The following CCSER1 variants were observed in gnomAD, a reference collection of about 807,000 sequenced individuals.
CCSER1 encodes the protein serine-rich coiled-coil domain-containing protein 1.
A neutral mutation model predicts 82.0 loss-of-function variants in CCSER1; 41 were observed. The observed-to-expected ratio is 0.50, with a 90% CI of 0.39 to 0.65. CCSER1 has a LOEUF of 0.65. Among genes scored for constraint, CCSER1 ranks in the 30% least tolerant of loss-of-function variants. CCSER1 has a pLI of 0.00. For missense variants in CCSER1, 1,119 were observed against 1,064.2 expected, an observed-to-expected ratio of 1.05 and a Z score of -0.72; for synonymous variants, 414 against 383.9, an observed-to-expected ratio of 1.08 and a Z score of -0.92.
chr4:91,012,646 A>G (rs1739089981), intron 9 of CCSER1, among the ~76,000 whole-genome samples: 1 of 125,924 alleles, frequency 7.9e-6, no homozygotes, highest in Non-Finnish European at 1.9e-5. Flanking sequence ...CCTCAAGGGT[A>G]GAAGGGTACA....
intron 9 of CCSER1, among the ~76,000 whole-genome samples, chr4:91,009,834 T>C (rs1413576593): frequency 2.0e-5 from 3 of 152,188 alleles, no homozygotes; most frequent in Non-Finnish European, 4.4e-5. Context: ...ATTTACATCT[T>C]TTTATATTAT....
At chr4:91,177,648 G>A (rs568447295) in intron 10 of CCSER1, among the ~76,000 whole-genome samples, 2 of 152,132 alleles carry the variant, frequency 1.3e-5, no homozygotes, top group African/African-American at 4.8e-5. Flanking sequence ...TTGTATTTCT[G>A]TCAGATCAGT....
intron 5 of CCSER1, among the ~76,000 whole-genome samples, chr4:90,469,614 T>A (rs2153589158): frequency 6.6e-6 from 1 of 151,868 alleles, no homozygotes; most frequent in African/African-American, 2.4e-5. Flanking sequence ...TCTTTGTTAG[T>A]ATTATGTGAA....
intron 10 of CCSER1, among the ~76,000 whole-genome samples, chr4:91,538,184 G>A (rs994575479): frequency 6.6e-5 from 10 of 151,818 alleles, no homozygotes; most frequent in African/African-American, 9.7e-5. Context: ...AATAACATTC[G>A]TATGTATGAG....
intron 9 of CCSER1, among the ~76,000 whole-genome samples, chr4:91,058,199 T>TG (rs1336117281): frequency 1.6e-4 from 25 of 151,974 alleles, no homozygotes; most frequent in African/African-American, 6.0e-4. Flanking sequence ...CCAGTGTGTG[T>TG]TTTTTGCCTC....
chr4:90,880,242 C>G (rs1721095784), intron 8 of CCSER1, among the ~76,000 whole-genome samples: 1 of 152,106 alleles, frequency 6.6e-6, no homozygotes, highest in African/African-American at 2.4e-5. Flanking sequence ...ATGTTTCTTC[C>G]CCAACCTGGA....
intron 9 of CCSER1, among the ~76,000 whole-genome samples, chr4:90,950,732 C>A (rs1332456067): frequency 1.3e-5 from 2 of 152,032 alleles, no homozygotes; most frequent in African/African-American, 2.4e-5. Flanking sequence ...ATAGAGATAA[C>A]CACTTTTGCT....
intron 6 of CCSER1, among the ~76,000 whole-genome samples, chr4:90,655,831 A>C (rs1306376513): frequency 6.6e-6 from 1 of 151,968 alleles, no homozygotes; most frequent in Non-Finnish European, 1.5e-5. Context: ...TTAATCTTAT[A>C]TTATCTGACA....
Position 91,022,172 on chromosome 4 carries a change from C to T in CCSER1, c.2173-63778C>T, listed in dbSNP as rs370383558. 2.6e-4 allele frequency among the ~76,000 whole-genome samples: 34 copies of T among 129,412 alleles called. No homozygotes were observed. The South Asian group carries it at 6.4e-3, about 24-fold the overall frequency. 84.9% of individuals were successfully genotyped at this position (129,412 alleles called of 152,430 possible). A position where few individuals can be genotyped will look rare whatever the true frequency, so the allele number is the denominator to read the frequency against. On this transcript the variant is annotated intron_variant, in intron 9 of 10. Coordinates refer to ENST00000509176, the MANE Select transcript of CCSER1 (RefSeq NM_001145065.2). ...CCCCCTCCCCCCACCCCACACCAGG[C>T]CCTGGTGTGTGATGTTCCCCTTCCT...
chr4:90,775,105 G>T (rs1258392972), intron 7 of CCSER1, among the ~76,000 whole-genome samples: 1 of 152,074 alleles, frequency 6.6e-6, no homozygotes, highest in African/African-American at 2.4e-5. Context: ...ATGATTCATT[G>T]TAACATAATG....
At position 90,540,047 on chromosome 4, in the gene CCSER1, G is replaced by A. The variant is rs1264501455; in HGVS notation, c.1724+71693G>A. 5.3e-5 allele frequency among the ~76,000 whole-genome samples: 8 copies of A among 152,026 alleles called. 1 individual carries two copies. The South Asian group carries it at 1.5e-3, about 28-fold the overall frequency. ...TGACCATAAGTTATCTATAAGGAAC[G>A]GAGCAAATTAGTTTGTGCAGTTAGA... On this transcript the variant is annotated intron_variant, in intron 5 of 10. Transcript: ENST00000509176.
intron 5 of CCSER1, among the ~76,000 whole-genome samples, chr4:90,497,422 G>T (rs970901883): frequency 6.6e-6 from 1 of 152,140 alleles, no homozygotes; most frequent in Non-Finnish European, 1.5e-5. Flanking sequence ...TATATATGGG[G>T]TGTATGGAGA....
chr4:91,403,110 C>T (rs556868289), intron 10 of CCSER1, among the ~76,000 whole-genome samples: 23 of 152,286 alleles, frequency 1.5e-4, no homozygotes, highest in Non-Finnish European at 2.6e-4. Flanking sequence ...AGGTCCTTCA[C>T]ATCTCTTATA....
chr4:90,916,524 T>G lies in CCSER1; in HGVS notation c.2095-6846T>G, dbSNP rs575403069. ...ATACAAAAATTAATTCAAGATGGAT[T>G]AAAGACTTAAATGTTAGACCTAAAA... is the stretch of plus-strand genomic sequence containing the variant. On this transcript the variant is annotated intron_variant, in intron 8 of 10. Coordinates refer to ENST00000509176, the MANE Select transcript of CCSER1 (RefSeq NM_001145065.2). Among the ~76,000 whole-genome samples, 725 of 152,192 alleles carry G rather than the reference T, an allele frequency of 4.8e-3. 9 individuals are homozygous for G. Among genetic ancestry groups the G allele is most frequent in the African/African-American group, 0.017 (692 of 41,520 alleles).
chr4:90,346,043 T>A (rs1031609346), intron 3 of CCSER1, among the ~76,000 whole-genome samples: 2 of 152,046 alleles, frequency 1.3e-5, no homozygotes, highest in Non-Finnish European at 2.9e-5. Flanking sequence ...AATACCCTAC[T>A]TTTTTTCTGC....
intron 5 of CCSER1, among the ~76,000 whole-genome samples, chr4:90,474,540 C>G (rs1300815244): frequency 6.6e-6 from 1 of 152,162 alleles, no homozygotes; most frequent in Non-Finnish European, 1.5e-5. Context: ...GCAGTTCTCC[C>G]CAGCTCTAGA....
intron 9 of CCSER1, among the ~76,000 whole-genome samples, chr4:90,933,493 T>G (rs1013116249): frequency 7.3e-6 from 1 of 137,530 alleles, no homozygotes. Flanking sequence ...GGATGAAGTG[T>G]TTTTTTTTTT....
chr4:90,188,227 G>C (rs2153393450), intron 1 of CCSER1, among the ~76,000 whole-genome samples: 1 of 151,750 alleles, frequency 6.6e-6, no homozygotes, highest in South Asian at 2.1e-4. Context: ...TATTCCTCTA[G>C]GGTATCTTTT....
chr4:90,455,585 C>G (rs572455468), intron 4 of CCSER1, among the ~76,000 whole-genome samples: 1 of 152,114 alleles, frequency 6.6e-6, no homozygotes, highest in South Asian at 2.1e-4. Context: ...GTAGGTGAGG[C>G]TAAGAAAAAA....
Sources: allele counts gnomAD v4.1 joint callset (sites outside exome capture counted in the v4.1 genomes callset), GRCh38; gene constraint gnomAD v4.1.1; transcripts MANE v1.5; gene names NCBI Gene and HGNC (gene_info 2026-07-23, HGNC 2026-07-21).